The following LRRC34 variants were observed in gnomAD, a reference collection of about 807,000 sequenced individuals.
The protein encoded by LRRC34 is leucine rich repeat containing 34, also known as leucine-rich repeat-containing protein 34.
A neutral mutation model predicts 48.5 loss-of-function variants in LRRC34; 44 were observed. The ratio of observed to expected loss-of-function variants is 0.91; its 90% CI spans 0.71 to 1.17. The LOEUF is 1.17. Ranked by LOEUF, LRRC34 falls within the 50% of genes most tolerant of loss-of-function variation. The pLI is 0.00. For missense variants in LRRC34, 502 were observed against 563.0 expected, an observed-to-expected ratio of 0.89 and a Z score of 1.10; for synonymous variants, 192 against 197.6, an observed-to-expected ratio of 0.97 and a Z score of 0.24.
intron 4 of LRRC34, among the ~76,000 whole-genome samples, chr3:169,807,165 A>G (rs1261632908): frequency 6.6e-6 from 1 of 152,230 alleles, no homozygotes; most frequent in Non-Finnish European, 1.5e-5. Context: ...AGAAAAAACT[A>G]TATTTACCTT....
intron 4 of LRRC34, 116 bp from the exon 5 acceptor site, chr3:169,807,047 C>T: frequency 1.9e-6 from 1 of 523,056 alleles, no homozygotes; most frequent in Non-Finnish European, 3.3e-6. Context: ...GTGTTTTCCT[C>T]CAAAGAAAAT....
rs778246756 is a variant in LRRC34, at chr3:169,793,648, C to A, written c.1382G>T (p.Gly461Val). 1 of 1,611,480 alleles carries A rather than the reference C, an allele frequency of 6.2e-7. No individual in the cohort carries two copies. The highest frequency in any genetic ancestry group is 1.3e-5 in the African/African-American group (1 of 74,920). ...SNAGFALVPV[G>V]QQP ...ACAGCTACTTTTTCATGGCTGTTGA[C>A]CTACTGGAACAAGAGCAAAACCTGC... Residue 461 changes from glycine (G) to valine (V), a missense_variant, in exon 11 of 11, where the codon GGT becomes GTT. By Grantham distance (109) the Gly-to-Val change is moderately radical. Transcript: ENST00000446859.
At chr3:169,796,483 AC>A in intron 8 of LRRC34, 114 bp from the exon 9 acceptor site, 2 of 1,220,324 alleles carry the variant, frequency 1.6e-6, no homozygotes. Flanking sequence ...GTTTATTTTA[AC>A]CACTTGATTT....
Position 169,812,313 on chromosome 3 carries a change from CT to C in LRRC34, c.139+96del. 7.1e-7 allele frequency: 1 copy of C among 1,405,858 alleles called. No homozygotes were observed. The highest frequency in any genetic ancestry group is 9.3e-7 in the Non-Finnish European group (1 of 1,079,524). 87.1% of individuals were successfully genotyped at this position (1,405,858 alleles called of 1,614,324 possible). A position where few individuals can be genotyped will look rare whatever the true frequency, so the allele number is the denominator to read the frequency against. ...CCCCCTCCCGCCTCGACGCCTTGGG[CT>C]GGCGGGCTGCTGGGAGGACTCCTGC... is the stretch of plus-strand genomic sequence containing the variant. On this transcript the variant is annotated intron_variant, in intron 1 of 10. Coordinates refer to ENST00000446859, the MANE Select transcript of LRRC34 (RefSeq NM_001172779.2). The surrounding 1 kb of genome is among the most constrained non-coding windows in gnomAD (Gnocchi z 4.3).
chr3:169,812,299 C>G lies in LRRC34; in HGVS notation c.139+111G>C, dbSNP rs1024395449. On this transcript the variant is annotated intron_variant, in intron 1 of 10. Transcript: ENST00000446859. The surrounding 1 kb of genome is among the most constrained non-coding windows in gnomAD (Gnocchi z 4.3). ...GGGTTCCCAGGGGCCCCCCTCCCGC[C>G]TCGACGCCTTGGGCTGGCGGGCTGC... The G allele has an allele frequency of 1.8e-5, 24 of 1,367,040 alleles. No individual in the cohort carries two copies. Among genetic ancestry groups the G allele is most frequent in the Non-Finnish European group, 1.6e-5 (17 of 1,051,796 alleles). 84.7% of individuals were successfully genotyped at this position (1,367,040 alleles called of 1,614,324 possible).
Position 169,803,268 on chromosome 3 carries a change from TCACAGG to T in LRRC34, c.657+779_657+784del, listed in dbSNP as rs538105194. 7.5e-3 allele frequency among the ~76,000 whole-genome samples: 1,148 copies of T among 152,246 alleles called. 14 individuals are homozygous for T. The highest frequency in any genetic ancestry group is 0.026 in the African/African-American group (1,086 of 41,540). ...GCCCATGCTGGAGTACAGTGGATGT[TCACAGG>T]CACGGTTGTAGTGAACTGTAACCTC... On this transcript the variant is annotated intron_variant, in intron 6 of 10. Coordinates refer to ENST00000446859, the MANE Select transcript of LRRC34 (RefSeq NM_001172779.2).
At chr3:169,810,115 C>A (rs1189543898) in intron 1 of LRRC34, among the ~76,000 whole-genome samples, 1 of 151,760 alleles carries the variant, frequency 6.6e-6, no homozygotes, top group African/African-American at 2.4e-5. Context: ...CACCACCACA[C>A]CCAGCTATAA....
chr3:169,807,802 G>C, intron 2 of LRRC34, 93 bp from the exon 3 acceptor site: 1 of 1,315,642 alleles, frequency 7.6e-7, no homozygotes, highest in South Asian at 1.6e-5. Flanking sequence ...TGTATAAATA[G>C]TCATATCACA....
intron 9 of LRRC34, 199 bp downstream of exon 9, chr3:169,796,015 C>T: frequency 1.6e-6 from 2 of 1,251,446 alleles, no homozygotes; most frequent in South Asian, 2.7e-5. Context: ...TTGAAGGAAT[C>T]GTTAATAGAA....
At chr3:169,800,510 T>C (rs1013183128) in intron 7 of LRRC34, 149 bp downstream of exon 7, 2 of 463,398 alleles carry the variant, frequency 4.3e-6, no homozygotes, top group African/African-American at 4.0e-5. Context: ...ATAATTTTCA[T>C]TTAAACATTT....
chr3:169,809,429 C>T (rs963181350), intron 1 of LRRC34, among the ~76,000 whole-genome samples: 29 of 152,146 alleles, frequency 1.9e-4, no homozygotes, highest in African/African-American at 6.8e-4. Context: ...AAGCTCTTCT[C>T]CTACCCAGCC....
intron 5 of LRRC34, among the ~76,000 whole-genome samples, chr3:169,805,884 CA>C (rs372353857): frequency 0.12 from 6,497 of 54,794 alleles, 161 homozygotes; most frequent in African/African-American, 0.21. Flanking sequence ...AACTCCATCT[CA>C]AAAAAAAAAA....
intron 4 of LRRC34, 86 bp from the exon 5 acceptor site, chr3:169,807,017 T>G (rs1224565399): frequency 1.6e-5 from 10 of 622,094 alleles, no homozygotes; most frequent in South Asian, 1.1e-4. Context: ...ACACATACAG[T>G]ATATACTTTA....
intron 8 of LRRC34, 146 bp from the exon 9 acceptor site, chr3:169,796,515 T>G: frequency 1.9e-6 from 2 of 1,045,804 alleles, no homozygotes; most frequent in Non-Finnish European, 2.7e-6. Context: ...TAATGAAAAT[T>G]CACCATAAAA....
intron 6 of LRRC34, among the ~76,000 whole-genome samples, chr3:169,803,614 TAG>T (rs1487844095): frequency 6.6e-6 from 1 of 152,138 alleles, no homozygotes; most frequent in Non-Finnish European, 1.5e-5. Flanking sequence ...GTATTTTTAG[TAG>T]AGACGGGGTT....
intron 10 of LRRC34, chr3:169,794,987 T>A (rs1457190688): frequency 6.6e-6 from 1 of 152,204 alleles, no homozygotes; most frequent in Non-Finnish European, 1.5e-5. Flanking sequence ...CTCTTTTTAG[T>A]GGTGGAATTT....
intron 7 of LRRC34, 73 bp from the exon 8 acceptor site, chr3:169,796,972 T>C: frequency 1.7e-6 from 2 of 1,153,548 alleles, no homozygotes; most frequent in Non-Finnish European, 2.3e-6. Flanking sequence ...ACATATGCTG[T>C]TATTTAAATT....
At chr3:169,797,862 T>G (rs1047966744) in intron 7 of LRRC34, among the ~76,000 whole-genome samples, 12 of 152,194 alleles carry the variant, frequency 7.9e-5, no homozygotes, top group Admixed American at 3.3e-4. Flanking sequence ...TCAGTTTCCA[T>G]TTTAGTAAAG....
chr3:169,807,719 TACAA>T lies in LRRC34; in HGVS notation c.258-14_258-11del. On this transcript the variant is annotated splice_polypyrimidine_tract_variant and intron_variant, in intron 2 of 10. Transcript: ENST00000446859. ...GATTCCTGCTGCTAGCCTGTTAAAA[TACAA>T]AAAAAAAAAAAAAAAAAAAAGATTT... is the stretch of plus-strand genomic sequence containing the variant. The T allele has an allele frequency of 1.5e-5, 10 of 650,536 alleles. No individual in the cohort carries two copies. The highest frequency in any genetic ancestry group is 9.6e-5 in the East Asian group (2 of 20,786). 40.3% of individuals were successfully genotyped at this position (650,536 alleles called of 1,614,324 possible).
Sources: allele counts gnomAD v4.1 joint callset (sites outside exome capture counted in the v4.1 genomes callset), GRCh38; gene constraint gnomAD v4.1.1; non-coding constraint Gnocchi (gnomAD v3.1); transcripts MANE v1.5; gene names NCBI Gene and HGNC (gene_info 2026-07-23, HGNC 2026-07-21).